AGBL1: variants seen among roughly 807,000 people sequenced by gnomAD.
AGBL1 encodes AGBL carboxypeptidase 1.
In AGBL1, 130 loss-of-function variants were observed where a neutral mutation model predicts 118.9. That is an observed-to-expected ratio of 1.09 (90% confidence interval 0.95 to 1.26). The LOEUF is 1.26. Among genes scored for constraint, AGBL1 ranks in the 50% most tolerant of loss-of-function variants. AGBL1 has a pLI of 0.00. For missense variants in AGBL1, 1,584 were observed against 1,298.1 expected, an observed-to-expected ratio of 1.22 and a Z score of -3.38; for synonymous variants, 555 against 478.9, an observed-to-expected ratio of 1.16 and a Z score of -2.08.
intron 18 of AGBL1, among the ~76,000 whole-genome samples, chr15:86,508,157 T>C (rs2346702): frequency 0.44 from 66,205 of 151,598 alleles, 15,532 homozygotes; most frequent in East Asian, 0.68. Context: ...CTCTTGACCT[T>C]GTGATCTGCC....
intron 1 of AGBL1, chr15:86,088,273 T>A (rs188688961): frequency 6.6e-6 from 1 of 152,356 alleles, no homozygotes; most frequent in African/African-American, 2.4e-5. Flanking sequence ...AGGTGGTAAT[T>A]GCTGCGGCAA....
intron 18 of AGBL1, among the ~76,000 whole-genome samples, chr15:86,471,995 AAAG>A (rs1338075984): frequency 9.2e-5 from 14 of 152,216 alleles, no homozygotes; most frequent in South Asian, 2.1e-4. Flanking sequence ...GAGGACACAC[AAAG>A]AAGAAGGTCA....
At chr15:86,759,107 G>A (rs778830784) in intron 22 of AGBL1, among the ~76,000 whole-genome samples, 2 of 151,618 alleles carry the variant, frequency 1.3e-5, no homozygotes, top group Non-Finnish European at 2.9e-5. Flanking sequence ...GGATCTCTTC[G>A]TATTCCCATC....
intron 22 of AGBL1, among the ~76,000 whole-genome samples, chr15:86,703,688 T>A (rs2086398327): frequency 6.6e-6 from 1 of 152,114 alleles, no homozygotes; most frequent in Non-Finnish European, 1.5e-5. Flanking sequence ...TGAATAAATC[T>A]CATGAGATCT....
At chr15:86,706,371 A>G (rs577220228) in intron 22 of AGBL1, among the ~76,000 whole-genome samples, 4 of 152,124 alleles carry the variant, frequency 2.6e-5, no homozygotes, top group Non-Finnish European at 4.4e-5. Flanking sequence ...TTAATAAAAA[A>G]TCATAGAGGC....
At chr15:86,249,990 T>C (rs138763280) in intron 7 of AGBL1, among the ~76,000 whole-genome samples, 137 of 152,330 alleles carry the variant, frequency 9.0e-4, no homozygotes, top group African/African-American at 3.2e-3. Flanking sequence ...ACTGTTGGAA[T>C]GGAAGCAGAA....
intron 18 of AGBL1, among the ~76,000 whole-genome samples, chr15:86,486,485 G>T (rs1292955431): frequency 6.6e-6 from 1 of 152,006 alleles, no homozygotes; most frequent in Non-Finnish European, 1.5e-5. Flanking sequence ...GTGTATATTT[G>T]CCTCACTGGC....
chr15:86,623,906 C>T lies in AGBL1; in HGVS notation c.2995-50367C>T, dbSNP rs1331596462. The stretch of plus-strand genomic sequence containing the variant: ...CTGCACAGTTCACCTAGAAGAGGCA[C>T]AATTAGATGCAATCTCATTCTAGTC... On this transcript the variant is annotated intron_variant, in intron 21 of 22. Coordinates refer to ENST00000614907, the MANE Select transcript of AGBL1 (RefSeq NM_001386094.1). Among the ~76,000 whole-genome samples, 7 of 152,266 alleles carry T rather than the reference C, an allele frequency of 4.6e-5. No homozygotes were observed. In the East Asian group the frequency reaches 9.7e-4, roughly 21 times the overall value.
intron 3 of AGBL1, among the ~76,000 whole-genome samples, chr15:86,146,791 G>C (rs923445332): frequency 3.9e-5 from 6 of 152,216 alleles, no homozygotes; most frequent in African/African-American, 1.2e-4. Flanking sequence ...GAATGGGATA[G>C]ATATCTCTTT....
At chr15:86,745,319 G>A (rs556949221) in intron 22 of AGBL1, among the ~76,000 whole-genome samples, 2 of 152,156 alleles carry the variant, frequency 1.3e-5, no homozygotes, top group African/African-American at 4.8e-5. Flanking sequence ...GGAATATAGA[G>A]GCTGTAAGTT....
chr15:87,001,880 C>G (rs2081442275), intron 24 of AGBL1, among the ~76,000 whole-genome samples: 1 of 151,822 alleles, frequency 6.6e-6, no homozygotes, highest in Non-Finnish European at 1.5e-5. Context: ...ATGTATTAGC[C>G]CTTTGTCAGA....
At chr15:86,669,136 A>G (rs2085697150) in intron 21 of AGBL1, among the ~76,000 whole-genome samples, 1 of 152,202 alleles carries the variant, frequency 6.6e-6, no homozygotes, top group Non-Finnish European at 1.5e-5. Context: ...AAATTATAAA[A>G]TAATTGAGCA....
At chr15:86,923,254 G>A (rs1555463367) in intron 23 of AGBL1, among the ~76,000 whole-genome samples, 1 of 152,196 alleles carries the variant, frequency 6.6e-6, no homozygotes, top group Non-Finnish European at 1.5e-5. Context: ...GAATTGAAAA[G>A]ACTGTCTCCT....
At chr15:87,028,089 A>G (rs1193791061) in intron 24 of AGBL1, among the ~76,000 whole-genome samples, 1 of 151,820 alleles carries the variant, frequency 6.6e-6, no homozygotes, top group Non-Finnish European at 1.5e-5. Flanking sequence ...CCAAAAGAAA[A>G]AAAAAGGAAA....
chr15:87,021,331 A>G (rs921997064), intron 24 of AGBL1, among the ~76,000 whole-genome samples: 6 of 152,188 alleles, frequency 3.9e-5, no homozygotes, highest in African/African-American at 1.4e-4. Context: ...CACGATATAC[A>G]AACATTAACT....
At chr15:86,439,490 T>C (rs564420880) in intron 18 of AGBL1, among the ~76,000 whole-genome samples, 6 of 152,264 alleles carry the variant, frequency 3.9e-5, no homozygotes, top group Non-Finnish European at 5.9e-5. Context: ...GTAGAAACAA[T>C]GTTCATTTTT....
At position 86,465,082 on chromosome 15, in the gene AGBL1, C is replaced by T. The variant is rs554377033; in HGVS notation, c.2556-57728C>T. Among the ~76,000 whole-genome samples, 60 of 152,020 alleles carry T rather than the reference C, an allele frequency of 3.9e-4. No homozygotes were observed. The South Asian group carries it at 8.4e-3, about 21-fold the overall frequency. ...TGTTGTTGTGGGAAGTCAGGGAATC[C>T]GAACGGAGGGACCAGCTGAAGCCAT... On this transcript the variant is annotated intron_variant, in intron 18 of 22. Transcript: ENST00000614907.
chr15:86,133,086 T>C (rs1336752295), intron 1 of AGBL1, among the ~76,000 whole-genome samples: 2 of 152,196 alleles, frequency 1.3e-5, no homozygotes, highest in Non-Finnish European at 2.9e-5. Flanking sequence ...ATTAGTCCAA[T>C]AATGTGGGTG....
intron 22 of AGBL1, among the ~76,000 whole-genome samples, chr15:86,694,112 T>G (rs889681310): frequency 2.0e-5 from 3 of 152,046 alleles, no homozygotes; most frequent in Non-Finnish European, 4.4e-5. Context: ...TTTAGGATTG[T>G]TTTTTCTAGT....
Sources: gnomAD v4.1 joint callset for allele counts (sites outside exome capture counted in the v4.1 genomes callset) on GRCh38, gnomAD v4.1.1 for gene constraint, MANE v1.5 for transcripts, NCBI Gene and HGNC (gene_info 2026-07-23, HGNC 2026-07-21) for gene names.